Variants in RBMS3 observed in about 807,000 individuals in gnomAD.
RBMS3 encodes the protein RNA binding motif single stranded interacting protein 3.
In RBMS3, 27 loss-of-function variants were observed where a neutral mutation model predicts 66.8. The ratio of observed to expected loss-of-function variants is 0.40; its 90% confidence interval spans 0.30 to 0.56. The LOEUF (loss-of-function observed/expected upper bound fraction) is 0.56. Among genes scored for constraint, RBMS3 ranks in the 20% least tolerant of loss-of-function variants. The pLI is 0.40. For missense variants in RBMS3, 513 were observed against 549.5 expected, an observed-to-expected ratio of 0.93 and a Z score of 0.66; for synonymous variants, 188 against 183.0, an observed-to-expected ratio of 1.03 and a Z score of -0.22.
At chr3:29,477,686 G>GA (rs72277424) in intron 2 of RBMS3, among the ~76,000 whole-genome samples, 14,213 of 148,568 alleles carry the variant, frequency 0.096, 814 homozygotes, top group East Asian at 0.16. Context: ...TTGGGGATGA[G>GA]AAAAAAAAAA....
At chr3:29,782,743 C>G (rs2056681621) in intron 6 of RBMS3, among the ~76,000 whole-genome samples, 1 of 151,966 alleles carries the variant, frequency 6.6e-6, no homozygotes, top group African/African-American at 2.4e-5. Flanking sequence ...CAAGGAGGCA[C>G]CAGAGAAAGG....
intron 4 of RBMS3, among the ~76,000 whole-genome samples, chr3:29,669,306 G>A (rs775227951): frequency 3.9e-5 from 6 of 152,194 alleles, no homozygotes; most frequent in Middle Eastern, 3.4e-3. Context: ...CTTGTCTAAG[G>A]TTCTGCTTCT....
At chr3:29,692,566 G>C (rs2052073758) in intron 4 of RBMS3, among the ~76,000 whole-genome samples, 1 of 152,096 alleles carries the variant, frequency 6.6e-6, no homozygotes, top group Non-Finnish European at 1.5e-5. Context: ...TACATTAAGA[G>C]ACTTTATTTG....
chr3:29,496,664 A>T (rs906254177), intron 3 of RBMS3, among the ~76,000 whole-genome samples: 3 of 152,240 alleles, frequency 2.0e-5, no homozygotes, highest in African/African-American at 4.8e-5. Context: ...GCCAAAAATT[A>T]GCTTTCCAAA....
At chr3:29,336,396 A>G (rs2035949553) in intron 1 of RBMS3, among the ~76,000 whole-genome samples, 1 of 152,170 alleles carries the variant, frequency 6.6e-6, no homozygotes, top group Non-Finnish European at 1.5e-5. Context: ...TATTCAAAGT[A>G]AAATGCTCAA....
chr3:29,868,892 T>A lies in RBMS3; in HGVS notation c.672T>A (p.Asp224Glu). 1.2e-6 allele frequency: 2 copies of A among 1,603,992 alleles called. No homozygotes were observed. The highest frequency in any genetic ancestry group is 1.7e-6 in the Non-Finnish European group (2 of 1,174,604). Residue 224 changes from aspartate (D) to glutamate (E), a missense_variant, in exon 7 of 15, where the codon GAT (aspartate) becomes GAA (glutamate). Physicochemically the swap from Asp to Glu is conservative, Grantham distance 45. Transcript: ENST00000383767. Reference sequence around the variant, plus strand: ...AGCCTTTGCTGTGCAAATTCGCTGATGGAGGACAAAAGAAGCGACAGAATC... The same window carrying A: ...AGCCTTTGCTGTGCAAATTCGCTGAAGGAGGACAAAAGAAGCGACAGAATC... The part of the protein sequence containing the change: ...PSEPLLCKFA[D>E]GGQKKRQNQS...
At chr3:29,354,782 C>T (rs565768146) in intron 1 of RBMS3, among the ~76,000 whole-genome samples, 2 of 152,228 alleles carry the variant, frequency 1.3e-5, no homozygotes, top group African/African-American at 4.8e-5. Flanking sequence ...CCAGATGATA[C>T]TTATTTAGGC....
intron 6 of RBMS3, chr3:29,797,965 GGTT>G (rs2149437757): frequency 6.6e-6 from 1 of 152,006 alleles, no homozygotes. Context: ...GTCATTGTAG[GGTT>G]GTTAATTGGC....
intron 4 of RBMS3, chr3:29,616,796 G>T (rs996126235): frequency 6.6e-6 from 1 of 152,014 alleles, no homozygotes; most frequent in African/African-American, 2.4e-5. Flanking sequence ...ATCAATAATC[G>T]TCCAGCTTTA....
intron 9 of RBMS3, among the ~76,000 whole-genome samples, chr3:29,898,686 G>C (rs2060182689): frequency 6.6e-6 from 1 of 151,112 alleles, no homozygotes; most frequent in Non-Finnish European, 1.5e-5. Flanking sequence ...GCTATGTGCA[G>C]GTTCTGTTCA....
chr3:29,515,402 A>G (rs1049896504), intron 3 of RBMS3, among the ~76,000 whole-genome samples: 1 of 152,204 alleles, frequency 6.6e-6, no homozygotes, highest in African/African-American at 2.4e-5. Flanking sequence ...AGGCTAGGGT[A>G]AAGAGCTTGT....
At chr3:29,338,808 T>C (rs964435143) in intron 1 of RBMS3, among the ~76,000 whole-genome samples, 1 of 152,042 alleles carries the variant, frequency 6.6e-6, no homozygotes, top group Non-Finnish European at 1.5e-5. Context: ...GCATGAGTAA[T>C]GTCTCTTAAG....
intron 1 of RBMS3, among the ~76,000 whole-genome samples, chr3:29,309,652 T>C (rs1336608415): frequency 6.6e-6 from 1 of 151,390 alleles, no homozygotes; most frequent in African/African-American, 2.4e-5. Context: ...GTCACAGAGA[T>C]GGAAGAAGCA....
chr3:29,587,227 G>GTGTTT, intron 4 of RBMS3, 22 bp downstream of exon 4: 1 of 212,122 alleles, frequency 4.7e-6, no homozygotes. Flanking sequence ...GTTTAGGGGT[G>GTGTTT]TTTTTTTTTT....
rs111996921 is a variant in RBMS3 at position 29,917,317 on chromosome 3, T to C, written c.939+17562T>C. On this transcript the variant is annotated intron_variant, in intron 10 of 14. Transcript: ENST00000383767. The stretch of plus-strand genomic sequence containing the variant: ...AGCCATTATTTTCAACATCTTTTCT[T>C]CCCACTTGGCGATGTCCTTCCTTCA... Among the ~76,000 whole-genome samples the C allele has an allele frequency of 9.1e-4, 138 of 152,240 alleles. 2 individuals carry two copies. The highest frequency in any genetic ancestry group is 3.2e-3 in the African/African-American group (132 of 41,568).
At chr3:29,484,098 C>G (rs2043237319) in intron 2 of RBMS3, among the ~76,000 whole-genome samples, 1 of 152,188 alleles carries the variant, frequency 6.6e-6, no homozygotes, top group Non-Finnish European at 1.5e-5. Flanking sequence ...TGAGAAAGAG[C>G]TTGAAGGTCT....
chr3:29,382,912 CAT>C lies in RBMS3; in HGVS notation c.76-51829_76-51828del, dbSNP rs1575668655. ...TGGGTTGATTAATGAACAAGCCACA[CAT>C]ACTCATAGGCTCATCTGTATGTACA... On this transcript the variant is annotated intron_variant, in intron 1 of 14. Transcript: ENST00000383767. Among the ~76,000 whole-genome samples, 13 of 152,284 alleles carry C rather than the reference CAT, an allele frequency of 8.5e-5. No individual in the cohort carries two copies. In the South Asian group the frequency reaches 2.7e-3, roughly 32 times the overall value.
At chr3:29,691,320 G>A (rs2051996690) in intron 4 of RBMS3, among the ~76,000 whole-genome samples, 1 of 152,140 alleles carries the variant, frequency 6.6e-6, no homozygotes, top group Non-Finnish European at 1.5e-5. Flanking sequence ...ATAATTATGG[G>A]TTCTGTACCT....
At chr3:29,850,366 A>C (rs959606443) in intron 6 of RBMS3, among the ~76,000 whole-genome samples, 7 of 152,222 alleles carry the variant, frequency 4.6e-5, no homozygotes, top group Non-Finnish European at 7.3e-5. Flanking sequence ...TTGAGGTTAC[A>C]TAACCTTCAA....
Sources: gnomAD v4.1 joint callset for allele counts (sites outside exome capture counted in the v4.1 genomes callset) on GRCh38, gnomAD v4.1.1 for gene constraint, MANE v1.5 for transcripts, NCBI Gene and HGNC (gene_info 2026-07-23, HGNC 2026-07-21) for gene names.